Variants in PRKCH observed in about 807,000 individuals in gnomAD.
The protein encoded by PRKCH is protein kinase C eta, also known as protein kinase C eta type.
A neutral mutation model predicts 82.5 loss-of-function variants in PRKCH; 28 were observed. That is an observed-to-expected ratio of 0.34 (90% CI 0.25 to 0.47). The LOEUF is 0.47. PRKCH is among the 20% of genes least tolerant of loss of function. The pLI is 1.00. For synonymous variants in PRKCH, 322 were observed against 327.4 expected (o/e 0.98, Z 0.18); for missense variants, 705 against 881.8 (o/e 0.80, Z 2.54).
At chr14:61,416,920 A>G (rs1882590613) in intron 2 of PRKCH, among the ~76,000 whole-genome samples, 1 of 152,132 alleles carries the variant, frequency 6.6e-6, no homozygotes, top group African/African-American at 2.4e-5. Flanking sequence ...TTATGGGAGG[A>G]GGCTCTCAGA....
intron 10 of PRKCH, among the ~76,000 whole-genome samples, chr14:61,495,350 A>G (rs1020766626): frequency 2.6e-5 from 4 of 152,192 alleles, no homozygotes; most frequent in Non-Finnish European, 5.9e-5. Flanking sequence ...TAATTGATAA[A>G]TGTGTTAGTG....
At chr14:61,193,143 T>G (rs1053209034) in intron 1 of PRKCH, among the ~76,000 whole-genome samples, 2 of 152,208 alleles carry the variant, frequency 1.3e-5, no homozygotes, top group Non-Finnish European at 2.9e-5. Context: ...GAAGTAATTA[T>G]GGACATCTGG....
intron 1 of PRKCH, among the ~76,000 whole-genome samples, chr14:61,191,735 T>C (rs1428116559): frequency 6.6e-6 from 1 of 152,228 alleles, no homozygotes; most frequent in African/African-American, 2.4e-5. Flanking sequence ...TCCTTCTGAA[T>C]TGCCTGGCTT....
At chr14:61,514,528 G>A (rs2042793991) in intron 10 of PRKCH, among the ~76,000 whole-genome samples, 2 of 151,958 alleles carry the variant, frequency 1.3e-5, no homozygotes, top group South Asian at 4.2e-4. Context: ...ACCTCTGCAG[G>A]CAATAGCAGC....
At chr14:61,486,528 G>A (rs946592640) in intron 10 of PRKCH, among the ~76,000 whole-genome samples, 3 of 152,172 alleles carry the variant, frequency 2.0e-5, no homozygotes, top group Non-Finnish European at 2.9e-5. Context: ...TTTAGTCAGA[G>A]AGAAGGTTGG....
intron 10 of PRKCH, among the ~76,000 whole-genome samples, chr14:61,526,273 G>C (rs1325555088): frequency 6.6e-6 from 1 of 152,192 alleles, no homozygotes; most frequent in Non-Finnish European, 1.5e-5. Context: ...TTGGAGCCAG[G>C]ACTGGGTTTG....
chr14:61,544,516 A>C (rs1594801713), intron 12 of PRKCH: 1 of 152,162 alleles, frequency 6.6e-6, no homozygotes, highest in Non-Finnish European at 1.5e-5. Context: ...TCCCAGCTTC[A>C]GTGGTTACTC....
chr14:61,203,667 C>T (rs1164267704), intron 1 of PRKCH, among the ~76,000 whole-genome samples: 2 of 151,904 alleles, frequency 1.3e-5, no homozygotes, highest in South Asian at 2.1e-4. Flanking sequence ...TATTTTTTAC[C>T]GTGACCTACG....
At position 61,449,032 on chromosome 14, in the gene PRKCH, C is replaced by T. The variant is rs539126720; in HGVS notation, c.614-132C>T. On this transcript the variant is annotated intron_variant, in intron 4 of 13. Transcript: ENST00000332981. The stretch of plus-strand genomic sequence containing the variant: ...TGGCGAAGGCAATAGGAAGGATGGG[C>T]GCACCAGCTGCTGTCAAGGGGGCCA... The T allele has an allele frequency of 8.7e-5, 64 of 732,674 alleles. No homozygotes were observed. In the African/African-American group the frequency reaches 9.1e-4, roughly 10 times the overall value. The allele number at this position is 732,674 out of a possible 1,614,324, so 45.4% of individuals were successfully genotyped here. A position where few individuals can be genotyped will look rare whatever the true frequency, so the allele number is the denominator to read the frequency against.
In PRKCH at chr14:61,379,582, G is replaced by A. The variant is rs368923964; in HGVS notation, c.364-11643G>A. Among the ~76,000 whole-genome samples the A allele has an allele frequency of 1.1e-3, 175 of 152,226 alleles. 1 individual carries two copies. Among genetic ancestry groups the A allele is most frequent in the African/African-American group, 3.7e-3 (153 of 41,524 alleles). On this transcript the variant is annotated intron_variant, in intron 1 of 13. Transcript: ENST00000332981. Reference sequence around the variant, plus strand: ...GAATCAACAATGTAGAATTATTCTCGGTTAGTTTATATCTTGTTTTTAACC... The same window carrying A: ...GAATCAACAATGTAGAATTATTCTCAGTTAGTTTATATCTTGTTTTTAACC...
chr14:61,548,922 G>A (rs1025547279), intron 13 of PRKCH, among the ~76,000 whole-genome samples: 1 of 151,026 alleles, frequency 6.6e-6, no homozygotes, highest in Non-Finnish European at 1.5e-5. Context: ...GCAGTGAGAT[G>A]TGTGATACTC....
In PRKCH at chr14:61,350,610, G is replaced by A. The variant is rs190484278; in HGVS notation, c.363+28146G>A. ...GCATCCCTTGCCTCTTAAAGTCACT[G>A]AAAGAATATCCCCCCTCCCCCATGG... On this transcript the variant is annotated intron_variant, in intron 1 of 13. Coordinates refer to ENST00000332981, the MANE Select transcript of PRKCH (RefSeq NM_006255.5). Among the ~76,000 whole-genome samples, 483 of 152,150 alleles carry A rather than the reference G, an allele frequency of 3.2e-3. 1 individual carries two copies. Among genetic ancestry groups the A allele is most frequent in the Middle Eastern group, 0.017 (5 of 294 alleles).
chr14:61,461,159 C>T (rs972635436), intron 9 of PRKCH, among the ~76,000 whole-genome samples: 7 of 152,196 alleles, frequency 4.6e-5, no homozygotes, highest in African/African-American at 1.7e-4. Context: ...CTCCTGCCCC[C>T]ATCCTCTGCT....
chr14:61,530,581 G>A lies in PRKCH; in HGVS notation c.1747G>A (p.Gly583Arg), dbSNP rs1250045564. The A allele has an allele frequency of 6.3e-7, 1 of 1,597,194 alleles. No individual in the cohort carries two copies. The highest frequency in any genetic ancestry group is 8.5e-7 in the Non-Finnish European group (1 of 1,170,310). The part of the protein sequence containing the change: ...YPTWLHEDAT[G>R]ILKSFMTKNP... ...TACCTGGCTCCATGAAGATGCCACA[G>A]GGATCCTAAAATCTGTAAGTTTGGC... is the stretch of plus-strand genomic sequence containing the variant. Residue 583 changes from glycine (G) to arginine (R), a missense_variant, in exon 12 of 14, where the codon GGG (glycine) becomes AGG (arginine). By Grantham distance (125) the Gly-to-Arg change is moderately radical. Transcript: ENST00000332981.
chr14:61,453,507 TTTC>T (rs1184337826), intron 7 of PRKCH, among the ~76,000 whole-genome samples, 154 bp downstream of exon 7: 1 of 152,196 alleles, frequency 6.6e-6, no homozygotes, highest in East Asian at 1.9e-4. Flanking sequence ...TCTTTCTTTC[TTTC>T]TTTTTTCTTT....
At chr14:61,460,974 G>A (rs1219648739) in intron 9 of PRKCH, among the ~76,000 whole-genome samples, 1 of 152,122 alleles carries the variant, frequency 6.6e-6, no homozygotes, top group Non-Finnish European at 1.5e-5. Context: ...GTGACAGGAC[G>A]CACTGAAGGA....
intron 1 of PRKCH, chr14:61,327,266 G>T: frequency 3.0e-6 from 1 of 334,414 alleles, no homozygotes; most frequent in Non-Finnish European, 6.0e-6. Flanking sequence ...CTTCCTTCCT[G>T]GATCCAGGTG....
chr14:61,424,660 T>G (rs1377148921), intron 2 of PRKCH, among the ~76,000 whole-genome samples: 1 of 152,194 alleles, frequency 6.6e-6, no homozygotes, highest in Non-Finnish European at 1.5e-5. Context: ...GAAAAACCCA[T>G]TTTCTGGGGA....
intron 1 of PRKCH, among the ~76,000 whole-genome samples, chr14:61,381,537 C>T (rs2046509374): frequency 6.6e-6 from 1 of 152,176 alleles, no homozygotes; most frequent in South Asian, 2.1e-4. Flanking sequence ...CTTCCCATGT[C>T]GGGGGGATAC....
Sources: allele counts gnomAD v4.1 joint callset (sites outside exome capture counted in the v4.1 genomes callset), GRCh38; gene constraint gnomAD v4.1.1; transcripts MANE v1.5; gene names NCBI Gene and HGNC (gene_info 2026-07-23, HGNC 2026-07-21).